Variants in THSD4 observed in about 807,000 individuals in gnomAD.
The protein encoded by THSD4 is thrombospondin type-1 domain-containing protein 4.
In THSD4, 69 loss-of-function variants were observed where a neutral mutation model predicts 119.0. The observed-to-expected ratio is 0.58, with a 90% CI of 0.48 to 0.71. The LOEUF is 0.71. Ranked by LOEUF, THSD4 falls within the 30% of genes least tolerant of loss-of-function variation. The pLI, the probability that THSD4 is intolerant of heterozygous loss-of-function variation, is 0.00. For synonymous variants in THSD4, 524 were observed against 540.4 expected (o/e 0.97, Z 0.42); for missense variants, 1,393 against 1,391.1 (o/e 1.00, Z -0.02).
At chr15:71,277,718 G>A (rs900146590) in intron 6 of THSD4, among the ~76,000 whole-genome samples, 3 of 152,174 alleles carry the variant, frequency 2.0e-5, no homozygotes, top group African/African-American at 4.8e-5. Context: ...ACATTTCTGG[G>A]TTTTTGCTTC....
chr15:71,305,322 G>T (rs2045009477), intron 6 of THSD4, among the ~76,000 whole-genome samples: 1 of 152,192 alleles, frequency 6.6e-6, no homozygotes, highest in Non-Finnish European at 1.5e-5. Flanking sequence ...GGATGGAATG[G>T]TAGAAAGATG....
chr15:71,632,600 A>G (rs1402754833), intron 7 of THSD4, among the ~76,000 whole-genome samples: 1 of 152,080 alleles, frequency 6.6e-6, no homozygotes, highest in Admixed American at 6.6e-5. Context: ...TTTTCAAGTC[A>G]CTCTAAGTGT....
At chr15:71,511,566 C>T (rs2048283826) in intron 7 of THSD4, among the ~76,000 whole-genome samples, 2 of 152,136 alleles carry the variant, frequency 1.3e-5, no homozygotes, top group South Asian at 2.1e-4. Context: ...AACCAAATTT[C>T]CCCCCTCCCA....
At chr15:71,201,968 C>G (rs1201540127) in intron 3 of THSD4, among the ~76,000 whole-genome samples, 3 of 152,162 alleles carry the variant, frequency 2.0e-5, no homozygotes, top group African/African-American at 4.8e-5. Context: ...CCAGAAGGTT[C>G]AGATCAAGCC....
At chr15:71,519,197 G>A (rs2048403445) in intron 7 of THSD4, among the ~76,000 whole-genome samples, 1 of 152,094 alleles carries the variant, frequency 6.6e-6, no homozygotes, top group Non-Finnish European at 1.5e-5. Flanking sequence ...GTGATTGAGT[G>A]CCATGTCTTT....
At chr15:71,749,564 T>G (rs937932062) in intron 14 of THSD4, among the ~76,000 whole-genome samples, 1 of 152,144 alleles carries the variant, frequency 6.6e-6, no homozygotes, top group South Asian at 2.1e-4. Flanking sequence ...CCACTTCCCT[T>G]GCTAGAATCC....
At chr15:71,212,833 T>C (rs59049332) in intron 3 of THSD4, among the ~76,000 whole-genome samples, 2,088 of 152,262 alleles carry the variant, frequency 0.014, 64 homozygotes, top group African/African-American at 0.047. Context: ...TCAACCTCTC[T>C]GGGTGGCTGG....
At chr15:71,710,785 G>A (rs959253963) in intron 8 of THSD4, among the ~76,000 whole-genome samples, 16 of 152,020 alleles carry the variant, frequency 1.1e-4, no homozygotes, top group African/African-American at 3.6e-4. Context: ...TTCATGGTAC[G>A]TTCTGTTCCA....
intron 3 of THSD4, among the ~76,000 whole-genome samples, chr15:71,160,608 T>A (rs2043240902): frequency 6.6e-6 from 1 of 151,990 alleles, no homozygotes; most frequent in Admixed American, 6.5e-5. Flanking sequence ...TGGTGTATAG[T>A]TGTTCATAAT....
At chr15:71,615,007 C>G (rs1276422821) in intron 7 of THSD4, among the ~76,000 whole-genome samples, 1 of 152,132 alleles carries the variant, frequency 6.6e-6, no homozygotes, top group African/African-American at 2.4e-5. Context: ...AAGATGCCAC[C>G]CTCTCTATCA....
intron 9 of THSD4, 23 bp downstream of exon 9, chr15:71,728,747 T>G (rs754335033): frequency 1.2e-5 from 20 of 1,612,608 alleles, no homozygotes; most frequent in Non-Finnish European, 1.6e-5. Flanking sequence ...GTTTCTGGAC[T>G]GTTCTTTGGA....
intron 7 of THSD4, among the ~76,000 whole-genome samples, chr15:71,582,817 C>A (rs1008959114): frequency 6.6e-6 from 1 of 152,080 alleles, no homozygotes; most frequent in Non-Finnish European, 1.5e-5. Flanking sequence ...TCCTTGCATC[C>A]CAAGGATAAG....
chr15:71,425,772 A>T (rs2046858902), intron 7 of THSD4, among the ~76,000 whole-genome samples: 1 of 152,214 alleles, frequency 6.6e-6, no homozygotes, highest in Admixed American at 6.5e-5. Flanking sequence ...AATTTCAGCA[A>T]ATGAAGTTAA....
chr15:71,765,785 A>ACTCT (rs1268256836), intron 16 of THSD4, among the ~76,000 whole-genome samples: 5 of 126,168 alleles, frequency 4.0e-5, no homozygotes, highest in Admixed American at 7.3e-5. Flanking sequence ...ACACGCACAC[A>ACTCT]CTCTCTGTGT....
intron 6 of THSD4, among the ~76,000 whole-genome samples, chr15:71,263,878 A>G (rs920636758): frequency 1.1e-4 from 17 of 152,384 alleles, no homozygotes; most frequent in African/African-American, 4.1e-4. Context: ...AGGAAGCTCC[A>G]GTGAAATTCC....
intron 8 of THSD4, among the ~76,000 whole-genome samples, chr15:71,677,234 T>G (rs2051671174): frequency 6.6e-6 from 1 of 152,238 alleles, no homozygotes; most frequent in Non-Finnish European, 1.5e-5. Flanking sequence ...TGGAGACGAT[T>G]AAGTCACAAA....
At chr15:71,595,199 G>C (rs1448169365) in intron 7 of THSD4, among the ~76,000 whole-genome samples, 1 of 152,160 alleles carries the variant, frequency 6.6e-6, no homozygotes, top group South Asian at 2.1e-4. Flanking sequence ...GAGTGGACAG[G>C]CCTGGAAGTC....
At chr15:71,447,118 G>GTTTTTTT (rs1555414736) in intron 7 of THSD4, among the ~76,000 whole-genome samples, 15 of 76,084 alleles carry the variant, frequency 2.0e-4, no homozygotes, top group East Asian at 7.0e-4. Context: ...CATTTTTTTT[G>GTTTTTTT]TTTTTTTTTT....
intron 3 of THSD4, chr15:71,187,373 T>C (rs1034773358): frequency 1.3e-5 from 2 of 152,726 alleles, no homozygotes; most frequent in African/African-American, 4.8e-5. Flanking sequence ...GTGAAGGGTA[T>C]AGCTGTCAGG....
Sources: allele counts gnomAD v4.1 joint callset (sites outside exome capture counted in the v4.1 genomes callset), GRCh38; gene constraint gnomAD v4.1.1; transcripts MANE v1.5; gene names NCBI Gene and HGNC (gene_info 2026-07-23, HGNC 2026-07-21).